IL17RE: variants seen among roughly 807,000 people sequenced by gnomAD.
IL17RE encodes interleukin 17 receptor E, also known as interleukin-17 receptor E.
Under a neutral mutation model 70.7 loss-of-function variants are expected in IL17RE, and 47 were observed. That is an observed-to-expected ratio of 0.67 (90% confidence interval 0.53 to 0.85). The LOEUF is 0.85. Among genes scored for constraint, IL17RE ranks in the 40% least tolerant of loss-of-function variants. The pLI is 0.00. For missense variants in IL17RE, 850 were observed against 893.9 expected, an observed-to-expected ratio of 0.95 and a Z score of 0.63; for synonymous variants, 372 against 381.2, an observed-to-expected ratio of 0.98 and a Z score of 0.28.
upstream of IL17RE, chr3:9,902,596 G>A (rs1217940194): frequency 2.6e-6 from 4 of 1,534,636 alleles, no homozygotes; most frequent in African/African-American, 4.1e-5. Context: ...GTGTGTTTCA[G>A]GAGTAGGAGG....
chr3:9,914,088 C>T, intron 13 of IL17RE, 64 bp downstream of exon 13: 6 of 1,307,404 alleles, frequency 4.6e-6, no homozygotes, highest in Non-Finnish European at 6.6e-6. Flanking sequence ...GTGGCACCCA[C>T]CCCTGGAAAA....
chr3:9,905,117 A>AAG (rs2082723437), intron 3 of IL17RE, among the ~76,000 whole-genome samples: 1 of 151,508 alleles, frequency 6.6e-6, no homozygotes, highest in African/African-American at 2.4e-5. Context: ...AAAAAAAAAA[A>AAG]AAGAATAGGC....
rs759275629 is a variant in IL17RE at position 9,903,386 on chromosome 3, C to G, written c.133-11C>G. ...TTTCCTTTCTTTTCCCTACTGGGCC[C>G]TGTGCCTCAGGATGACAGTTTCACT... On this transcript the variant is annotated splice_polypyrimidine_tract_variant and intron_variant, in intron 1 of 15. Transcript: ENST00000383814. 8 of 1,613,894 alleles carry G rather than the reference C, an allele frequency of 5.0e-6. No homozygotes were observed.
Position 9,910,986 on chromosome 3 carries a change from C to T in IL17RE, c.924C>T (p.Asp308=), listed in dbSNP as rs543554827. Residue 308 remains aspartate (D), a synonymous_variant, in exon 9 of 16, where the codon GAC becomes GAT. Transcript: ENST00000383814. ...AAGCTGCCCTCTGCCAGAGGCACGA[C>T]TGGCATACCCTTTGCAAAGACCTCC... is the stretch of plus-strand genomic sequence containing the variant. ...KLEAALCQRH[D]WHTLCKDLPN... The T allele has an allele frequency of 1.6e-5, 26 of 1,614,216 alleles. No individual in the cohort carries two copies. The East Asian group carries it at 4.0e-4, about 25-fold the overall frequency.
chr3:9,909,345 A>G (rs1410229489), intron 8 of IL17RE, 62 bp downstream of exon 8: 1 of 1,243,308 alleles, frequency 8.0e-7, no homozygotes, highest in Non-Finnish European at 1.2e-6. Context: ...TGTCTCCTAC[A>G]CACACATGTA....
chr3:9,906,179 G>A (rs888925953), intron 3 of IL17RE, among the ~76,000 whole-genome samples, 185 bp from the exon 4 acceptor site: 27 of 152,124 alleles, frequency 1.8e-4, no homozygotes, highest in Non-Finnish European at 3.7e-4. Context: ...AACTTGGGAG[G>A]TGGAGGCTGC....
At chr3:9,910,759 C>A in intron 8 of IL17RE, 106 bp from the exon 9 acceptor site, 1 of 906,042 alleles carries the variant, frequency 1.1e-6, no homozygotes, top group Non-Finnish European at 1.7e-6. Flanking sequence ...AGGAATAGTG[C>A]TGGTTACTTT....
At chr3:9,904,257 A>C (rs1269154585) in intron 3 of IL17RE, 106 bp downstream of exon 3, 2 of 1,304,574 alleles carry the variant, frequency 1.5e-6, no homozygotes, top group African/African-American at 2.9e-5. Flanking sequence ...GTCTTGTTTT[A>C]ACCTCAACTG....
At chr3:9,903,998 C>T in intron 2 of IL17RE, 34 bp from the exon 3 acceptor site, 4 of 1,613,536 alleles carry the variant, frequency 2.5e-6, no homozygotes, top group Non-Finnish European at 2.5e-6. Context: ...CCTTCTTAGA[C>T]CCTATCATTT....
rs1329519799 is a variant in IL17RE at position 9,906,802 on chromosome 3, A to C, written c.463A>C (p.Thr155Pro). Reference sequence around the variant, plus strand: ...CCACAAGGGACTTCGCTCTAAAAGGACCCAACCTTCGGATCCAGAGACATG... The same window carrying C: ...CCACAAGGGACTTCGCTCTAAAAGGCCCCAACCTTCGGATCCAGAGACATG... ...ISHKGLRSKRTQPSDPETWES... is the reference protein window; with the variant it reads ...ISHKGLRSKRPQPSDPETWES... Residue 155 changes from threonine (T) to proline (P), a missense_variant, in exon 5 of 16, where the codon ACC becomes CCC. Transcript: ENST00000383814. 3 of 1,614,086 alleles carry C rather than the reference A, an allele frequency of 1.9e-6. No homozygotes were observed. The highest frequency in any genetic ancestry group is 2.5e-6 in the Non-Finnish European group (3 of 1,180,028).
intron 1 of IL17RE, 132 bp downstream of exon 1, chr3:9,903,196 T>G: frequency 1.0e-6 from 1 of 995,604 alleles, no homozygotes. Context: ...CTACCTAGTC[T>G]CAAAGGGGTA....
rs1197934505 is a variant in IL17RE, at chr3:9,914,750, G to A, written c.1420G>A (p.Ala474Thr). Residue 474 changes from alanine (A) to threonine (T), a missense_variant, in exon 15 of 16, where the codon GCC becomes ACC. Transcript: ENST00000383814. ...ALLTLLGVVL[A>T]LTCRRPQSGP... ...CCTCACCCTACTGGGTGTTGTTCTGGCCCTCACCTGCCGGCGCCCACAGTC... is the reference window on the plus strand; with the variant it reads ...CCTCACCCTACTGGGTGTTGTTCTGACCCTCACCTGCCGGCGCCCACAGTC... 1 of 1,613,774 alleles carries A rather than the reference G, an allele frequency of 6.2e-7. No individual in the cohort carries two copies.
rs925243817 is a variant in IL17RE, at chr3:9,915,620, C to T, written c.1817C>T (p.Pro606Leu). Residue 606 changes from proline to leucine, a missense_variant, in exon 16 of 16, where the codon CCG (proline) becomes CTG (leucine). Transcript: ENST00000383814. This position sits in a 1 kb window ranked among gnomAD's most constrained non-coding sequence, Gnocchi z 4.9. Reference protein sequence around the residue: ...RLCAKGDIPPPLRALPRYRLL... With the variant: ...RLCAKGDIPPLLRALPRYRLL... ...TGCGCCAAGGGCGACATCCCCCCGC[C>T]GCTGCGCGCCCTGCCGCGCTACCGC... 2.8e-4 allele frequency: 395 copies of T among 1,413,560 alleles called. No homozygotes were observed. Among genetic ancestry groups the T allele is most frequent in the Non-Finnish European group, 3.5e-4 (376 of 1,088,214 alleles). 87.6% of individuals were successfully genotyped at this position (1,413,560 alleles called of 1,614,324 possible).
In IL17RE at chr3:9,915,139, C is replaced by T; in HGVS notation, c.1448-112C>T. ...ACCAACCCCCAGAGCAAATAAGGGG[C>T]GGGGGCGGGGGCGGAGAGGCGAGCA... On this transcript the variant is annotated intron_variant, in intron 15 of 15. Transcript: ENST00000383814. This position sits in a 1 kb window ranked among gnomAD's most constrained non-coding sequence, Gnocchi z 4.9. 8.5e-7 allele frequency: 1 copy of T among 1,182,504 alleles called. No individual in the cohort carries two copies. Among genetic ancestry groups the T allele is most frequent in the Non-Finnish European group, 1.0e-6 (1 of 958,408 alleles). The allele number at this position is 1,182,504 out of a possible 1,614,324, so 73.3% of individuals were successfully genotyped here. A position where few individuals can be genotyped will look rare whatever the true frequency, so the allele number is the denominator to read the frequency against.
In IL17RE at chr3:9,915,509, GC is replaced by G. The variant is rs1482354771; in HGVS notation, c.1710del (p.Asp571ThrfsTer80). The G allele has an allele frequency of 1.5e-6, 2 of 1,316,562 alleles. No individual in the cohort carries two copies. The highest frequency in any genetic ancestry group is 1.9e-6 in the Non-Finnish European group (2 of 1,041,998). The allele number at this position is 1,316,562 out of a possible 1,614,324, so 81.6% of individuals were successfully genotyped here. Reference protein sequence around the residue: ...WSGADLRPVSGPDPRAAPLLA... With the variant: ...WSGADLRPVSXPDPRAAPLLA... ...GGCGCCGACCTTCGCCCGGTCAGCGGCCCCGACCCCCGCGCCGCGCCCCTGC... is the reference window on the plus strand; with the variant it reads ...GGCGCCGACCTTCGCCCGGTCAGCGGCCCGACCCCCGCGCCGCGCCCCTGC... On this transcript the variant is annotated frameshift_variant, in exon 16 of 16. Coordinates refer to ENST00000383814, the MANE Select transcript of IL17RE (RefSeq NM_153480.2). LOFTEE classifies it low-confidence loss of function (END_TRUNC). This position sits in a 1 kb window ranked among gnomAD's most constrained non-coding sequence, Gnocchi z 4.9.
rs1281450957 is a variant in IL17RE at position 9,914,615 on chromosome 3, G to C, written c.1348+16G>C. The C allele has an allele frequency of 1.2e-6, 2 of 1,613,302 alleles. No individual in the cohort carries two copies. Among genetic ancestry groups the C allele is most frequent in the Non-Finnish European group, 1.7e-6 (2 of 1,179,422 alleles). On this transcript the variant is annotated intron_variant, in intron 14 of 15. Coordinates refer to ENST00000383814, the MANE Select transcript of IL17RE (RefSeq NM_153480.2). ...TGTCCGGATGGTGAGTTCTTGGGGA[G>C]GGGGAGGTAAGAGGGAGGCTGGGCA...
chr3:9,907,580 A>G (rs879548347), intron 6 of IL17RE, among the ~76,000 whole-genome samples: 2 of 152,176 alleles, frequency 1.3e-5, no homozygotes, highest in African/African-American at 2.4e-5. Context: ...TGATTCAGGC[A>G]TTAAGAAGCC....
rs116710108 is a variant in IL17RE at position 9,911,950 on chromosome 3, C to T, written c.1227+353C>T. 510 of 173,778 alleles carry T rather than the reference C, an allele frequency of 2.9e-3. 3 individuals are homozygous for T. Among genetic ancestry groups the T allele is most frequent in the African/African-American group, 0.011 (455 of 41,856 alleles). 10.8% of individuals were successfully genotyped at this position (173,778 alleles called of 1,614,324 possible). A position where few individuals can be genotyped will look rare whatever the true frequency, so the allele number is the denominator to read the frequency against. The stretch of plus-strand genomic sequence containing the variant: ...AGGAATAACAGAGGCAAGGGACTGG[C>T]CCTCCCACATTCAGGTGTCCTGTAG... On this transcript the variant is annotated intron_variant, in intron 12 of 15. Coordinates refer to ENST00000383814, the MANE Select transcript of IL17RE (RefSeq NM_153480.2).
rs1188962360 is a variant in IL17RE, at chr3:9,915,784, G to T, written c.1981G>T (p.Ala661Ser). ...ELCSRLEREA[A>S]RLADLG ...GTGCAGCCGGCTCGAACGAGAGGCC[G>T]CCCGACTTGCAGACCTAGGTTGAGC... The change falls in exon 16 of 16, where the codon GCC becomes TCC. Residue 661 changes from alanine (A) to serine (S), a missense_variant. Physicochemically the swap from Ala to Ser is moderately conservative, Grantham distance 99 (BLOSUM62 1). Coordinates refer to ENST00000383814, the MANE Select transcript of IL17RE (RefSeq NM_153480.2). The surrounding 1 kb of genome is among the most constrained non-coding windows in gnomAD (Gnocchi z 4.9). 5.2e-6 allele frequency: 8 copies of T among 1,531,162 alleles called. No individual in the cohort carries two copies. The Admixed American group carries it at 1.4e-4, about 27-fold the overall frequency. The allele number at this position is 1,531,162 out of a possible 1,614,324, so 94.8% of individuals were successfully genotyped here. A position where few individuals can be genotyped will look rare whatever the true frequency, so the allele number is the denominator to read the frequency against.
Sources: gnomAD v4.1 joint callset for allele counts (sites outside exome capture counted in the v4.1 genomes callset) on GRCh38, gnomAD v4.1.1 for gene constraint, Gnocchi (gnomAD v3.1) non-coding constraint, MANE v1.5 for transcripts, NCBI Gene and HGNC (gene_info 2026-07-23, HGNC 2026-07-21) for gene names.